CCDC6: variants seen among roughly 807,000 people sequenced by gnomAD.
The protein encoded by CCDC6 is coiled-coil domain-containing protein 6.
A neutral mutation model predicts 56.6 loss-of-function variants in CCDC6; 20 were observed. That is an observed-to-expected ratio of 0.35 (90% confidence interval 0.25 to 0.51). CCDC6 has a LOEUF of 0.51. Among genes scored for constraint, CCDC6 ranks in the 20% least tolerant of loss-of-function variants. CCDC6 has a pLI of 0.95. For missense variants in CCDC6, 367 were observed against 601.1 expected, an observed-to-expected ratio of 0.61 and a Z score of 4.07; for synonymous variants, 241 against 234.4, an observed-to-expected ratio of 1.03 and a Z score of -0.26.
At chr10:59,901,939 C>T (rs1195212670) in intron 1 of CCDC6, among the ~76,000 whole-genome samples, 2 of 98,158 alleles carry the variant, frequency 2.0e-5, no homozygotes. Context: ...TTTATTTCCC[C>T]TACTCCAAAA....
chr10:59,903,340 C>T (rs997224878), intron 1 of CCDC6, among the ~76,000 whole-genome samples: 4 of 152,078 alleles, frequency 2.6e-5, no homozygotes, highest in African/African-American at 9.7e-5. Flanking sequence ...ACAAATGGAC[C>T]ACTATGATGA....
At chr10:59,870,364 CAG>C (rs2071217730) in intron 1 of CCDC6, among the ~76,000 whole-genome samples, 2 of 152,146 alleles carry the variant, frequency 1.3e-5, no homozygotes, top group African/African-American at 4.8e-5. Context: ...TGGAGGAGCT[CAG>C]AGTCTAGTAG....
intron 5 of CCDC6, among the ~76,000 whole-genome samples, chr10:59,809,432 T>A (rs2070654441): frequency 6.6e-6 from 1 of 152,296 alleles, no homozygotes; most frequent in South Asian, 2.1e-4. Context: ...CTGGGAAGAC[T>A]TCCTGGCAGT....
At chr10:59,860,718 A>G (rs972261469) in intron 1 of CCDC6, among the ~76,000 whole-genome samples, 19 of 152,270 alleles carry the variant, frequency 1.2e-4, no homozygotes, top group Non-Finnish European at 2.6e-4. Flanking sequence ...AATCCCATAT[A>G]CATGACCTAA....
At chr10:59,893,353 C>T (rs898395075) in intron 1 of CCDC6, among the ~76,000 whole-genome samples, 26 of 152,130 alleles carry the variant, frequency 1.7e-4, no homozygotes, top group African/African-American at 6.3e-4. Context: ...AATCCCAGCA[C>T]TTTGGGAAGC....
chr10:59,876,415 T>C (rs1220796886), intron 1 of CCDC6, among the ~76,000 whole-genome samples: 1 of 152,012 alleles, frequency 6.6e-6, no homozygotes, highest in Non-Finnish European at 1.5e-5. Context: ...AATAGATTAT[T>C]TGCCGTCACC....
chr10:59,845,369 T>G (rs991011180), intron 2 of CCDC6, among the ~76,000 whole-genome samples: 19 of 99,104 alleles, frequency 1.9e-4, no homozygotes, highest in South Asian at 6.7e-4. Flanking sequence ...TTTTTTTTTT[T>G]GGGATGTTAG....
intron 1 of CCDC6, among the ~76,000 whole-genome samples, chr10:59,891,253 C>A (rs2071420342): frequency 6.6e-6 from 1 of 152,136 alleles, no homozygotes; most frequent in African/African-American, 2.4e-5. Flanking sequence ...CCAAGTGCTT[C>A]CGTTATTCCA....
At chr10:59,848,278 C>G (rs760633959) in intron 2 of CCDC6, among the ~76,000 whole-genome samples, 2 of 152,084 alleles carry the variant, frequency 1.3e-5, no homozygotes, top group Non-Finnish European at 2.9e-5. Flanking sequence ...TAATGTGTAA[C>G]ATTTAAAGTG....
chr10:59,892,909 C>T (rs1186172364), intron 1 of CCDC6, among the ~76,000 whole-genome samples: 2 of 151,812 alleles, frequency 1.3e-5, no homozygotes, highest in Admixed American at 6.6e-5. Flanking sequence ...CACGTCATCC[C>T]GCTGCCCAGC....
chr10:59,811,018 C>G (rs891274896), intron 5 of CCDC6, among the ~76,000 whole-genome samples: 12 of 152,146 alleles, frequency 7.9e-5, no homozygotes, highest in Non-Finnish European at 1.3e-4. Context: ...GCCAGGGAAT[C>G]CAGGCAGCCT....
chr10:59,839,079 A>G (rs138755900), intron 2 of CCDC6, among the ~76,000 whole-genome samples: 82 of 152,342 alleles, frequency 5.4e-4, no homozygotes, highest in Middle Eastern at 3.4e-3. Context: ...ACACGAACAC[A>G]CTTGATGGTT....
intron 1 of CCDC6, among the ~76,000 whole-genome samples, chr10:59,858,080 C>T (rs895344601): frequency 6.6e-6 from 1 of 152,178 alleles, no homozygotes; most frequent in Non-Finnish European, 1.5e-5. Context: ...GGTTTATCAA[C>T]ACCAACCACT....
At chr10:59,855,310 G>A (rs2071072634) in intron 1 of CCDC6, among the ~76,000 whole-genome samples, 4 of 152,212 alleles carry the variant, frequency 2.6e-5, no homozygotes, top group African/African-American at 2.4e-5. Context: ...GCTCATGCCC[G>A]TAATCCCACC....
At chr10:59,843,818 C>A (rs78348426) in intron 2 of CCDC6, among the ~76,000 whole-genome samples, 2,504 of 152,268 alleles carry the variant, frequency 0.016, 29 homozygotes, top group Middle Eastern at 0.044. Flanking sequence ...AACTAGTTCA[C>A]TCTTAGTCTA....
intron 5 of CCDC6, 139 bp from the exon 6 acceptor site, chr10:59,807,217 G>T: frequency 1.4e-6 from 1 of 728,406 alleles, no homozygotes; most frequent in Non-Finnish European, 2.2e-6. Flanking sequence ...GGGTATGGTG[G>T]CTCACACTTG....
intron 2 of CCDC6, among the ~76,000 whole-genome samples, chr10:59,842,709 T>C (rs2070950433): frequency 6.6e-6 from 1 of 152,074 alleles, no homozygotes; most frequent in Non-Finnish European, 1.5e-5. Context: ...TTAAAATATG[T>C]TGGGGACCCA....
At chr10:59,874,835 G>A (rs556805373) in intron 1 of CCDC6, among the ~76,000 whole-genome samples, 1 of 152,288 alleles carries the variant, frequency 6.6e-6, no homozygotes, top group Admixed American at 6.5e-5. Flanking sequence ...AGAAGTTGGA[G>A]AGGCAAGAAA....
chr10:59,841,343 T>A (rs1392956349), intron 2 of CCDC6, among the ~76,000 whole-genome samples: 1 of 152,266 alleles, frequency 6.6e-6, no homozygotes, highest in East Asian at 1.9e-4. Context: ...GAACTTCAAC[T>A]GTCCCTATGC....
Sources: gnomAD v4.1 joint callset for allele counts (sites outside exome capture counted in the v4.1 genomes callset) on GRCh38, gnomAD v4.1.1 for gene constraint, MANE v1.5 for transcripts, NCBI Gene and HGNC (gene_info 2026-07-23, HGNC 2026-07-21) for gene names.